Variants in PON3 observed in about 807,000 individuals in gnomAD.
PON3 encodes the protein serum paraoxonase/lactonase 3.
PON3 carries 37 observed loss-of-function variants against 36.3 expected under a neutral mutation model. The observed-to-expected ratio is 1.02, with a 90% CI of 0.78 to 1.34. The LOEUF (loss-of-function observed/expected upper bound fraction) is 1.34, where lower values mean the gene tolerates loss of function less well. PON3 is among the 40% of genes most tolerant of loss of function. The pLI is 0.00. For missense variants in PON3, 415 were observed against 426.5 expected (o/e 0.97, Z 0.24); for synonymous variants, 155 against 154.8 (o/e 1.00, Z -0.01).
At chr7:95,384,414 G>A (rs1562776124) in intron 3 of PON3, among the ~76,000 whole-genome samples, 2 of 152,168 alleles carry the variant, frequency 1.3e-5, no homozygotes, top group East Asian at 3.9e-4. Flanking sequence ...AGAATGAACA[G>A]GCAACCTACA....
At chr7:95,384,464 G>T (rs890629299) in intron 3 of PON3, among the ~76,000 whole-genome samples, 1 of 152,040 alleles carries the variant, frequency 6.6e-6, no homozygotes, top group African/African-American at 2.4e-5. Context: ...ATCTGACAAA[G>T]GGCTAATATC....
chr7:95,385,675 C>T (rs970285585), intron 3 of PON3, among the ~76,000 whole-genome samples: 10 of 152,174 alleles, frequency 6.6e-5, no homozygotes, highest in South Asian at 2.1e-4. Flanking sequence ...GGAAGTAAAA[C>T]ATTCCTTAGC....
intron 7 of PON3, 25 bp downstream of exon 7, chr7:95,362,735 T>C: frequency 6.4e-7 from 1 of 1,562,686 alleles, no homozygotes; most frequent in Non-Finnish European, 8.8e-7. Context: ...AGTCAGATTG[T>C]GTGGGCCAGA....
chr7:95,376,208 C>G (rs914275210), intron 3 of PON3, among the ~76,000 whole-genome samples: 1 of 152,162 alleles, frequency 6.6e-6, no homozygotes, highest in Non-Finnish European at 1.5e-5. Flanking sequence ...AAGTAAAGTG[C>G]CACCACAATG....
chr7:95,381,656 T>C (rs1438973183), intron 3 of PON3, among the ~76,000 whole-genome samples: 1 of 152,110 alleles, frequency 6.6e-6, no homozygotes, highest in Non-Finnish European at 1.5e-5. Context: ...GAGCTAACTA[T>C]CCTAAATATA....
chr7:95,372,023 G>C, intron 4 of PON3, 150 bp downstream of exon 4: 1 of 969,252 alleles, frequency 1.0e-6, no homozygotes, highest in East Asian at 2.6e-5. Context: ...ATGTTTACAA[G>C]GTTTTATACC....
intron 3 of PON3, among the ~76,000 whole-genome samples, chr7:95,385,021 A>C (rs112065563): frequency 0.056 from 8,590 of 152,166 alleles, 813 homozygotes; most frequent in African/African-American, 0.2. Flanking sequence ...TACTATGCAG[A>C]CATAAAAAAT....
rs112259831 is a variant in PON3 at position 95,368,388 on chromosome 7, A to G, written c.368-900T>C. ...ACACTGGGCACTTTGATGCAAATTAAGGAAAGGTGCTTGCTCACAGAGGAA... is the reference window on the plus strand; with the variant it reads ...ACACTGGGCACTTTGATGCAAATTAGGGAAAGGTGCTTGCTCACAGAGGAA... On this transcript the variant is annotated intron_variant, in intron 4 of 8. Coordinates refer to ENST00000265627, the MANE Select transcript of PON3 (RefSeq NM_000940.3). Among the ~76,000 whole-genome samples the G allele has an allele frequency of 3.6e-3, 550 of 152,366 alleles. 4 individuals carry two copies. The highest frequency in any genetic ancestry group is 0.014 in the Middle Eastern group (4 of 294).
chr7:95,394,695 G>C lies in PON3; in HGVS notation c.94C>G (p.Arg32Gly), dbSNP rs147006695. 2 of 1,614,056 alleles carry C rather than the reference G, an allele frequency of 1.2e-6. No individual in the cohort carries two copies. Among genetic ancestry groups the C allele is most frequent in the South Asian group, 1.1e-5 (1 of 91,064 alleles). ...LAFRERVNAS[R>G]EVEPVEPENC... is the part of the protein sequence containing the mutation. The stretch of plus-strand genomic sequence containing the variant: ...TCAGGTTCTACTGGCTCCACTTCTC[G>C]AGAGGCATTCACCCTTTCTCTGTAG... The change falls in exon 2 of 9, where the codon CGA becomes GGA. Residue 32 changes from arginine (R) to glycine (G), a missense_variant. Transcript: ENST00000265627.
At chr7:95,378,934 C>A (rs1032042302) in intron 3 of PON3, among the ~76,000 whole-genome samples, 1 of 152,084 alleles carries the variant, frequency 6.6e-6, no homozygotes, top group African/African-American at 2.4e-5. Flanking sequence ...GGGCTAAATG[C>A]CCCGATTAAA....
chr7:95,368,045 A>G (rs1056784977), intron 4 of PON3, among the ~76,000 whole-genome samples: 11 of 152,202 alleles, frequency 7.2e-5, no homozygotes, highest in Admixed American at 2.6e-4. Context: ...GTAAATATGA[A>G]TGCGAGATAA....
intron 2 of PON3, among the ~76,000 whole-genome samples, chr7:95,392,243 T>C (rs1323846079): frequency 3.9e-5 from 6 of 152,214 alleles, no homozygotes; most frequent in Admixed American, 3.3e-4. Flanking sequence ...CATATGCCAA[T>C]AGACATGAGA....
At position 95,364,029 on chromosome 7, in the gene PON3, AC is replaced by A. The variant is rs760777457; in HGVS notation, c.528del (p.Gln176HisfsTer20). 5.8e-5 allele frequency: 93 copies of A among 1,613,758 alleles called. No individual in the cohort carries two copies. The highest frequency in any genetic ancestry group is 8.3e-5 in the Admixed American group (5 of 59,988). ...VNDIVVLGPE[Q>X]FYATRDHYFT... Reference sequence around the variant, plus strand: ...AAATAGTGGTCTCTGGTGGCATAGAACTGTTCTGGTCCAAGAACCACAATGT... The same window carrying A: ...AAATAGTGGTCTCTGGTGGCATAGAATGTTCTGGTCCAAGAACCACAATGT... On this transcript the variant is annotated frameshift_variant, in exon 6 of 9. Coordinates refer to ENST00000265627, the MANE Select transcript of PON3 (RefSeq NM_000940.3). LOFTEE classifies it high-confidence loss of function.
Position 95,396,321 on chromosome 7 carries a change from C to T in PON3, c.30G>A (p.Leu10=), listed in dbSNP as rs1378420850. 6.2e-7 allele frequency: 1 copy of T among 1,614,062 alleles called. No homozygotes were observed. Among genetic ancestry groups the T allele is most frequent in the Admixed American group, 1.7e-5 (1 of 60,026 alleles). The change falls in exon 1 of 9, where the codon CTG becomes CTA. Residue 10 remains leucine, a synonymous_variant. Coordinates refer to ENST00000265627, the MANE Select transcript of PON3 (RefSeq NM_000940.3). ...CCCCGACTAAGGACAGGCCGACCCCCAGCAGGACCAGCGCCACGAGCTTCC... is the reference window on the plus strand; with the variant it reads ...CCCCGACTAAGGACAGGCCGACCCCTAGCAGGACCAGCGCCACGAGCTTCC... MGKLVALVL[L]GVGLSLVGEM...
At chr7:95,370,483 T>C (rs1286721114) in intron 4 of PON3, among the ~76,000 whole-genome samples, 5 of 152,228 alleles carry the variant, frequency 3.3e-5, no homozygotes, top group Admixed American at 6.5e-5. Flanking sequence ...CCATTATATA[T>C]GAAAATAGTT....
At chr7:95,383,527 G>A (rs371507700) in intron 3 of PON3, among the ~76,000 whole-genome samples, 30 of 152,190 alleles carry the variant, frequency 2.0e-4, no homozygotes, top group African/African-American at 6.7e-4. Context: ...AAATCAATGT[G>A]CAAAAATCAC....
At chr7:95,381,818 T>C (rs557778642) in intron 3 of PON3, among the ~76,000 whole-genome samples, 4 of 152,024 alleles carry the variant, frequency 2.6e-5, no homozygotes, top group African/African-American at 9.7e-5. Context: ...AAAAAGGATA[T>C]CCAGGAATTG....
At chr7:95,376,022 A>G (rs1012273006) in intron 3 of PON3, among the ~76,000 whole-genome samples, 1 of 152,228 alleles carries the variant, frequency 6.6e-6, no homozygotes, top group Admixed American at 6.5e-5. Flanking sequence ...GGTGTTGGGC[A>G]TGTCAATACA....
chr7:95,384,784 T>A (rs542036154), intron 3 of PON3, among the ~76,000 whole-genome samples: 1 of 152,300 alleles, frequency 6.6e-6, no homozygotes, highest in East Asian at 1.9e-4. Flanking sequence ...TGGAAGACAG[T>A]GTGGCGATTC....
Sources: allele counts gnomAD v4.1 joint callset (sites outside exome capture counted in the v4.1 genomes callset), GRCh38; gene constraint gnomAD v4.1.1; transcripts MANE v1.5; gene names NCBI Gene and HGNC (gene_info 2026-07-23, HGNC 2026-07-21).